The following PTPN1 variants were observed in gnomAD, a reference collection of about 807,000 sequenced individuals.
PTPN1 encodes the protein protein tyrosine phosphatase non-receptor type 1.
A neutral mutation model predicts 59.9 loss-of-function variants in PTPN1; 12 were observed. The ratio of observed to expected loss-of-function variants is 0.20; its 90% CI spans 0.13 to 0.32. PTPN1 has a LOEUF of 0.32. PTPN1 is among the 10% of genes least tolerant of loss of function. PTPN1 has a pLI of 1.00. For missense variants in PTPN1, 356 were observed against 549.2 expected (o/e 0.65, Z 3.52); for synonymous variants, 178 against 203.6 (o/e 0.87, Z 1.07).
chr20:50,574,041 G>C (rs1235042346), intron 4 of PTPN1: 1 of 153,052 alleles, frequency 6.5e-6, no homozygotes, highest in Non-Finnish European at 1.5e-5. Flanking sequence ...GGTGATAACT[G>C]CTCAGCCTCT....
intron 1 of PTPN1, among the ~76,000 whole-genome samples, chr20:50,518,777 C>T (rs552822283): frequency 1.3e-3 from 194 of 152,214 alleles, no homozygotes; most frequent in African/African-American, 4.4e-3. Context: ...GATCATGCTC[C>T]GAGGTGGGGT....
At chr20:50,547,185 AG>A (rs2082679295) in intron 1 of PTPN1, among the ~76,000 whole-genome samples, 2 of 152,210 alleles carry the variant, frequency 1.3e-5, no homozygotes, top group South Asian at 4.1e-4. Flanking sequence ...AGACACTATT[AG>A]GGACGGTAAA....
chr20:50,569,970 C>T (rs1461700145), intron 4 of PTPN1, among the ~76,000 whole-genome samples: 3 of 152,222 alleles, frequency 2.0e-5, no homozygotes, highest in Non-Finnish European at 4.4e-5. Flanking sequence ...GAGCGTGTGG[C>T]CCAGGAGCAG....
chr20:50,523,271 C>T (rs953435592), intron 1 of PTPN1, among the ~76,000 whole-genome samples: 1 of 152,026 alleles, frequency 6.6e-6, no homozygotes, highest in Non-Finnish European at 1.5e-5. Flanking sequence ...CTGGTTGTGA[C>T]CATGTTGTTA....
At chr20:50,536,310 T>C (rs556481580) in intron 1 of PTPN1, among the ~76,000 whole-genome samples, 24 of 152,326 alleles carry the variant, frequency 1.6e-4, no homozygotes, top group African/African-American at 5.5e-4. Context: ...CATTTAAAAA[T>C]GTATTCCGTG....
At chr20:50,569,060 G>T (rs1393970162) in intron 4 of PTPN1, among the ~76,000 whole-genome samples, 9 of 152,116 alleles carry the variant, frequency 5.9e-5, no homozygotes, top group African/African-American at 2.2e-4. Flanking sequence ...GTCCATTTGT[G>T]CAGGCCACCA....
intron 1 of PTPN1, among the ~76,000 whole-genome samples, chr20:50,546,698 A>G (rs941798): frequency 0.4 from 61,414 of 152,088 alleles, 12,998 homozygotes; most frequent in Middle Eastern, 0.59. Context: ...GCACCAAAGT[A>G]TCATCCTAGT....
intron 2 of PTPN1, among the ~76,000 whole-genome samples, chr20:50,561,835 G>A (rs1451777620): frequency 1.3e-5 from 2 of 152,126 alleles, no homozygotes; most frequent in African/African-American, 2.4e-5. Context: ...ATGAAGCCCC[G>A]CACAGGCATT....
chr20:50,538,805 TTTC>T (rs1265417463), intron 1 of PTPN1, among the ~76,000 whole-genome samples: 1 of 152,172 alleles, frequency 6.6e-6, no homozygotes, highest in African/African-American at 2.4e-5. Context: ...CTAATATTCA[TTTC>T]TTCTCCCTTC....
At chr20:50,537,905 C>T (rs866872722) in intron 1 of PTPN1, among the ~76,000 whole-genome samples, 5 of 152,042 alleles carry the variant, frequency 3.3e-5, no homozygotes, top group Admixed American at 1.3e-4. Flanking sequence ...TCAAATGGCC[C>T]GTAATTTAAG....
chr20:50,532,868 A>G (rs1249398524), intron 1 of PTPN1, among the ~76,000 whole-genome samples: 2 of 152,142 alleles, frequency 1.3e-5, no homozygotes, highest in African/African-American at 4.8e-5. Context: ...TATGCAGGGC[A>G]TAGATTAGAG....
chr20:50,563,624 G>C (rs779842096), intron 2 of PTPN1, among the ~76,000 whole-genome samples: 1 of 152,180 alleles, frequency 6.6e-6, no homozygotes, highest in Non-Finnish European at 1.5e-5. Flanking sequence ...CAGTGTTCCA[G>C]ATGGTGGCTA....
At chr20:50,520,094 G>A (rs955318629) in intron 1 of PTPN1, among the ~76,000 whole-genome samples, 4 of 152,146 alleles carry the variant, frequency 2.6e-5, no homozygotes, top group African/African-American at 9.7e-5. Flanking sequence ...GATTCCGGCC[G>A]GGCATGGTGG....
chr20:50,573,925 T>C (rs777437679), intron 4 of PTPN1: 1 of 152,218 alleles, frequency 6.6e-6, no homozygotes, highest in Non-Finnish European at 1.5e-5. Flanking sequence ...ATTATCAAAA[T>C]AGAACATCAA....
chr20:50,566,040 T>G (rs775727097), intron 3 of PTPN1, among the ~76,000 whole-genome samples: 2 of 152,192 alleles, frequency 1.3e-5, no homozygotes, highest in Non-Finnish European at 2.9e-5. Context: ...TCATCTGGGA[T>G]GCAGAGCATC....
At position 50,581,622 on chromosome 20, in the gene PTPN1, G is replaced by T. The variant is rs7261977; in HGVS notation, c.1284+162G>T. 1.3e-3 allele frequency among the ~76,000 whole-genome samples: 202 copies of T among 152,302 alleles called. 2 individuals carry two copies. The highest frequency in any genetic ancestry group is 4.6e-3 in the African/African-American group (193 of 41,574). On this transcript the variant is annotated intron_variant, in intron 9 of 9. Transcript: ENST00000371621. ...TGGAACTGTGGAAGGGCTAACAAGA[G>T]AATTAAGGATCGATGCACTGGGGTT...
chr20:50,567,055 G>C (rs1254306511), intron 3 of PTPN1, among the ~76,000 whole-genome samples: 1 of 152,212 alleles, frequency 6.6e-6, no homozygotes, highest in East Asian at 1.9e-4. Flanking sequence ...GATGAGCTCA[G>C]GAAAGAAAGT....
At chr20:50,557,426 A>G (rs997237966) in intron 1 of PTPN1, among the ~76,000 whole-genome samples, 1 of 152,166 alleles carries the variant, frequency 6.6e-6, no homozygotes, top group African/African-American at 2.4e-5. Context: ...TTGATACATT[A>G]TTCGAGACCA....
chr20:50,513,529 A>G (rs553015285), intron 1 of PTPN1, among the ~76,000 whole-genome samples: 14 of 152,168 alleles, frequency 9.2e-5, no homozygotes, highest in Non-Finnish European at 1.6e-4. Context: ...ACCACTCACT[A>G]TATTTCATTG....
Sources: gnomAD v4.1 joint callset for allele counts (sites outside exome capture counted in the v4.1 genomes callset) on GRCh38, gnomAD v4.1.1 for gene constraint, MANE v1.5 for transcripts, NCBI Gene and HGNC (gene_info 2026-07-23, HGNC 2026-07-21) for gene names.